The following CSNK1G3 variants were observed in gnomAD, a reference collection of about 807,000 sequenced individuals.
The protein encoded by CSNK1G3 is casein kinase 1 gamma 3, also known as casein kinase I isoform gamma-3.
CSNK1G3 carries 23 observed loss-of-function variants against 64.3 expected under a neutral mutation model. The ratio of observed to expected loss-of-function variants is 0.36; its 90% CI spans 0.26 to 0.51. CSNK1G3 has a LOEUF of 0.51. Among genes scored for constraint, CSNK1G3 ranks in the 20% least tolerant of loss-of-function variants. The probability of loss-of-function intolerance (pLI) is 0.96; values close to 1 mark genes in which losing one functional copy is unlikely to be tolerated. For missense variants in CSNK1G3, 357 were observed against 510.5 expected, an observed-to-expected ratio of 0.70 and a Z score of 2.90; for synonymous variants, 158 against 162.2, an observed-to-expected ratio of 0.97 and a Z score of 0.20.
At chr5:123,584,811 CT>C (rs1369064517) in intron 6 of CSNK1G3, among the ~76,000 whole-genome samples, 4 of 152,144 alleles carry the variant, frequency 2.6e-5, no homozygotes, top group African/African-American at 7.2e-5. Context: ...TTATTAGTAG[CT>C]TTCAAGATAT....
intron 4 of CSNK1G3, among the ~76,000 whole-genome samples, chr5:123,559,304 A>T (rs1785220371): frequency 6.6e-6 from 1 of 152,166 alleles, no homozygotes; most frequent in Admixed American, 6.5e-5. Context: ...GTCATTTGGA[A>T]GAATAGGATT....
intron 5 of CSNK1G3, among the ~76,000 whole-genome samples, chr5:123,574,163 T>C (rs1220562013): frequency 6.6e-6 from 1 of 152,182 alleles, no homozygotes; most frequent in African/African-American, 2.4e-5. Context: ...ACATGGATTC[T>C]TAATTTTGGT....
intron 12 of CSNK1G3, among the ~76,000 whole-genome samples, chr5:123,612,349 G>T (rs1023243332): frequency 4.6e-5 from 7 of 152,156 alleles, no homozygotes; most frequent in Admixed American, 6.6e-5. Context: ...GATAATGTGG[G>T]TAGAGAGATT....
At chr5:123,614,429 T>TA (rs1336365681) in exon 13 of CSNK1G3, 1 of 1,589,002 alleles carries the variant, frequency 6.3e-7, no homozygotes, top group South Asian at 1.1e-5. Flanking sequence ...GGGAGTTACT[T>TA]ACATGTTCAT....
At chr5:123,609,309 C>T (rs568282060) in intron 12 of CSNK1G3, among the ~76,000 whole-genome samples, 1 of 152,262 alleles carries the variant, frequency 6.6e-6, no homozygotes, top group South Asian at 2.1e-4. Context: ...AGGCTTATGT[C>T]ACTTCCTGGG....
rs1206811095 is a variant in CSNK1G3 at position 123,524,678 on chromosome 5, CTTATAG to C, written c.-248+12113_-248+12118del. On this transcript the variant is annotated intron_variant, in intron 1 of 12. Transcript: ENST00000345990. Reference sequence around the variant, plus strand: ...AGATAATATTCCTCAAGAAGAAAAACTTATAGTTATCGTATTCTGTATCAGAAAAAT... The same window carrying C: ...AGATAATATTCCTCAAGAAGAAAAACTTATCGTATTCTGTATCAGAAAAAT... Among the ~76,000 whole-genome samples the C allele has an allele frequency of 2.0e-5, 3 of 152,202 alleles. No homozygotes were observed. The East Asian group carries it at 5.8e-4, about 29-fold the overall frequency.
chr5:123,523,229 T>C (rs932777395), intron 1 of CSNK1G3, among the ~76,000 whole-genome samples: 1 of 152,188 alleles, frequency 6.6e-6, no homozygotes, highest in Non-Finnish European at 1.5e-5. Context: ...ACCTTAGTTA[T>C]AGTATATTGT....
intron 4 of CSNK1G3, among the ~76,000 whole-genome samples, chr5:123,560,817 G>A (rs1198756892): frequency 1.3e-5 from 2 of 152,160 alleles, no homozygotes; most frequent in Non-Finnish European, 2.9e-5. Context: ...TGGGGAGAGG[G>A]CAGAAATGGG....
intron 5 of CSNK1G3, among the ~76,000 whole-genome samples, 168 bp from the exon 6 acceptor site, chr5:123,575,561 A>G (rs766826721): frequency 7.2e-5 from 11 of 152,180 alleles, no homozygotes; most frequent in South Asian, 2.1e-4. Flanking sequence ...TTAAATTGCA[A>G]TTTGCTATGT....
intron 2 of CSNK1G3, among the ~76,000 whole-genome samples, chr5:123,551,731 TTGATTGCTTCTTC>T (rs1440449415): frequency 6.6e-6 from 1 of 152,176 alleles, no homozygotes; most frequent in African/African-American, 2.4e-5. Context: ...GTCATAGTTG[TTGATTGCTTCTTC>T]TGTGTTCAGT....
At chr5:123,577,084 T>C (rs1789315721) in intron 6 of CSNK1G3, among the ~76,000 whole-genome samples, 1 of 152,056 alleles carries the variant, frequency 6.6e-6, no homozygotes, top group South Asian at 2.1e-4. Context: ...TGGCCACCCG[T>C]TGCTCCTTCA....
At chr5:123,586,491 ACTT>A (rs1170840241) in intron 6 of CSNK1G3, among the ~76,000 whole-genome samples, 1 of 152,170 alleles carries the variant, frequency 6.6e-6, no homozygotes, top group Non-Finnish European at 1.5e-5. Context: ...TAAGGCCACT[ACTT>A]ATTTTGGAAA....
At chr5:123,555,084 T>C (rs1322151491) in intron 3 of CSNK1G3, among the ~76,000 whole-genome samples, 3 of 152,258 alleles carry the variant, frequency 2.0e-5, no homozygotes, top group Non-Finnish European at 4.4e-5. Flanking sequence ...TCCTCTTAAC[T>C]AGTTTTCTCC....
chr5:123,574,713 C>G (rs1788817676), intron 5 of CSNK1G3, among the ~76,000 whole-genome samples: 1 of 151,688 alleles, frequency 6.6e-6, no homozygotes, highest in Non-Finnish European at 1.5e-5. Flanking sequence ...TTGTGTAGTC[C>G]CAACTGCTGA....
intron 1 of CSNK1G3, among the ~76,000 whole-genome samples, chr5:123,512,863 A>G (rs1776475930): frequency 6.6e-6 from 1 of 151,232 alleles, no homozygotes; most frequent in South Asian, 2.1e-4. Context: ...AAGTTGCCGG[A>G]GTGGTGCGGC....
At chr5:123,574,178 G>A (rs1024416388) in intron 5 of CSNK1G3, among the ~76,000 whole-genome samples, 2 of 152,072 alleles carry the variant, frequency 1.3e-5, no homozygotes, top group Non-Finnish European at 2.9e-5. Context: ...TTTGGTAATA[G>A]ACTTTATGAC....
intron 1 of CSNK1G3, among the ~76,000 whole-genome samples, chr5:123,516,890 A>T (rs1457249277): frequency 6.6e-6 from 1 of 152,150 alleles, no homozygotes; most frequent in Non-Finnish European, 1.5e-5. Flanking sequence ...TATTTAGATC[A>T]CTTTGTGTTA....
intron 1 of CSNK1G3, among the ~76,000 whole-genome samples, chr5:123,527,621 A>T (rs1779301207): frequency 6.6e-6 from 1 of 152,174 alleles, no homozygotes; most frequent in Non-Finnish European, 1.5e-5. Context: ...CTTTGCATAT[A>T]CTAGTCTATG....
chr5:123,599,465 T>C (rs1794054822), intron 10 of CSNK1G3, among the ~76,000 whole-genome samples: 1 of 152,160 alleles, frequency 6.6e-6, no homozygotes, highest in Non-Finnish European at 1.5e-5. Flanking sequence ...TCAGAACAAA[T>C]AAATACAGTT....
Sources: allele counts gnomAD v4.1 joint callset (sites outside exome capture counted in the v4.1 genomes callset), GRCh38; gene constraint gnomAD v4.1.1; transcripts MANE v1.5; gene names NCBI Gene and HGNC (gene_info 2026-07-23, HGNC 2026-07-21).